Variants in DSCAML1 observed in about 807,000 individuals in gnomAD.
DSCAML1 encodes the protein DS cell adhesion molecule like 1.
DSCAML1 carries 38 observed loss-of-function variants against 200.5 expected under a neutral mutation model. The observed-to-expected ratio is 0.19, with a 90% CI of 0.15 to 0.25. The LOEUF is 0.25. Ranked by LOEUF, DSCAML1 falls within the 10% of genes least tolerant of loss-of-function variation. DSCAML1 has a pLI of 1.00. For synonymous variants in DSCAML1, 1,215 were observed against 1,165.0 expected (o/e 1.04, Z -0.87); for missense variants, 2,223 against 2,858.8 (o/e 0.78, Z 5.07).
chr11:117,811,761 T>C (rs149709318), intron 1 of DSCAML1, among the ~76,000 whole-genome samples: 2,001 of 152,036 alleles, frequency 0.013, 44 homozygotes, highest in African/African-American at 0.046. Context: ...GCTGCCTGAT[T>C]GCCTTGGAAG....
At chr11:117,781,602 C>G (rs935742905) in intron 1 of DSCAML1, among the ~76,000 whole-genome samples, 1 of 152,180 alleles carries the variant, frequency 6.6e-6, no homozygotes, top group African/African-American at 2.4e-5. Context: ...TGAGGACCAG[C>G]AGAAGAGTGG....
chr11:117,780,877 A>T lies in DSCAML1; in HGVS notation c.47-67T>A. 7.7e-7 allele frequency: 1 copy of T among 1,306,206 alleles called. No individual in the cohort carries two copies. The highest frequency in any genetic ancestry group is 9.9e-7 in the Non-Finnish European group (1 of 1,008,018). 80.9% of individuals were successfully genotyped at this position (1,306,206 alleles called of 1,614,324 possible). A position where few individuals can be genotyped will look rare whatever the true frequency, so the allele number is the denominator to read the frequency against. ...CTAACAATACCCATATAAGCCACGG[A>T]GGCTTGCGACAGGCTGCACTCATTC... is the stretch of plus-strand genomic sequence containing the variant. On this transcript the variant is annotated intron_variant, in intron 1 of 32. Coordinates refer to ENST00000651296, the MANE Select transcript of DSCAML1 (RefSeq NM_020693.4). The surrounding 1 kb of genome is among the most constrained non-coding windows in gnomAD (Gnocchi z 4.8).
intron 3 of DSCAML1, among the ~76,000 whole-genome samples, chr11:117,604,829 C>T (rs1053651225): frequency 6.6e-6 from 1 of 152,204 alleles, no homozygotes; most frequent in Non-Finnish European, 1.5e-5. Flanking sequence ...CTCTGTCTGC[C>T]CGTGGCTCCT....
chr11:117,649,985 C>G (rs1409348469), intron 3 of DSCAML1, among the ~76,000 whole-genome samples: 1 of 152,226 alleles, frequency 6.6e-6, no homozygotes, highest in East Asian at 1.9e-4. Context: ...CCTGTCCTCC[C>G]TTTGGCTGGC....
chr11:117,500,936 C>T (rs1213734684), intron 11 of DSCAML1, among the ~76,000 whole-genome samples: 1 of 152,124 alleles, frequency 6.6e-6, no homozygotes, highest in Non-Finnish European at 1.5e-5. Flanking sequence ...TGGGTCAAAA[C>T]TTTCCCGAGT....
intron 3 of DSCAML1, among the ~76,000 whole-genome samples, chr11:117,704,876 A>T (rs1193055793): frequency 1.3e-5 from 2 of 152,168 alleles, no homozygotes; most frequent in Non-Finnish European, 2.9e-5. Context: ...GGTGGTGACT[A>T]ATAGAGAACT....
intron 3 of DSCAML1, among the ~76,000 whole-genome samples, chr11:117,588,155 G>A (rs76264515): frequency 0.015 from 2,228 of 152,280 alleles, 51 homozygotes; most frequent in African/African-American, 0.05. Flanking sequence ...GGGAGGCACT[G>A]AGGTCATATA....
intron 11 of DSCAML1, among the ~76,000 whole-genome samples, chr11:117,487,586 G>A (rs1424946024): frequency 2.0e-5 from 3 of 152,164 alleles, no homozygotes; most frequent in African/African-American, 2.4e-5. Context: ...CTGGGAATGC[G>A]ATTTCTCAGC....
At chr11:117,732,423 A>G (rs916223078) in intron 3 of DSCAML1, among the ~76,000 whole-genome samples, 25 of 152,140 alleles carry the variant, frequency 1.6e-4, no homozygotes, top group African/African-American at 5.6e-4. Flanking sequence ...TTGTTCTGCT[A>G]CTAACAAGCT....
chr11:117,720,348 A>G (rs2054022184), intron 3 of DSCAML1, among the ~76,000 whole-genome samples: 1 of 152,214 alleles, frequency 6.6e-6, no homozygotes, highest in Admixed American at 6.5e-5. Context: ...TCCCAGCCTC[A>G]GAATTAGCAG....
intron 2 of DSCAML1, among the ~76,000 whole-genome samples, chr11:117,778,196 T>G (rs1213471967): frequency 6.6e-6 from 1 of 152,142 alleles, no homozygotes; most frequent in East Asian, 1.9e-4. Flanking sequence ...AAGATGTGGT[T>G]GAGGTGGAAG....
At position 117,516,695 on chromosome 11, in the gene DSCAML1, C is replaced by T; in HGVS notation, c.1555G>A (p.Gly519Arg). ...RAMRNITAVA[G>R]RDTLINCRVI... Reference sequence around the variant, plus strand: ...CTGCAGTTGATAAGGGTGTCCCGCCCGGCGACTGCTGTGATGTTCCGCATA... The same window carrying T: ...CTGCAGTTGATAAGGGTGTCCCGCCTGGCGACTGCTGTGATGTTCCGCATA... The change falls in exon 8 of 33, where the codon GGG becomes AGG. Residue 519 changes from glycine (G) to arginine (R), a missense_variant. Around this residue, in one of 7 missense-constraint regions of DSCAML1, gnomAD observed 212 missense variants for 368.0 expected, o/e 0.58. Transcript: ENST00000651296. The surrounding 1 kb of genome is among the most constrained non-coding windows in gnomAD (Gnocchi z 5.7). The T allele has an allele frequency of 6.2e-7, 1 of 1,613,966 alleles. No homozygotes were observed. Among genetic ancestry groups the T allele is most frequent in the Non-Finnish European group, 8.5e-7 (1 of 1,179,976 alleles).
chr11:117,581,526 A>G (rs1268048803), intron 3 of DSCAML1, among the ~76,000 whole-genome samples: 1 of 152,166 alleles, frequency 6.6e-6, no homozygotes, highest in African/African-American at 2.4e-5. Context: ...CTTTTCTAGA[A>G]CACTATATTT....
chr11:117,796,971 G>T, intron 1 of DSCAML1, 63 bp downstream of exon 1: 1 of 1,210,676 alleles, frequency 8.3e-7, no homozygotes, highest in Non-Finnish European at 1.1e-6. Context: ...ACCCCGCCTC[G>T]CCGCCAGCCG....
At position 117,505,730 on chromosome 11, in the gene DSCAML1, G is replaced by T; in HGVS notation, c.1786C>A (p.Pro596Thr). Residue 596 changes from proline to threonine, a missense_variant and splice_region_variant, in exon 9 of 33, where the codon CCC (proline) becomes ACC (threonine). Transcript: ENST00000651296. The surrounding 1 kb of genome is among the most constrained non-coding windows in gnomAD (Gnocchi z 6.7). ...SQSVHVAVKVPPLIQPFEFPP... is the reference protein window; with the variant it reads ...SQSVHVAVKVTPLIQPFEFPP... ...AATTCGAAGGGCTGGATCAGAGGGG[G>T]CACTGGGAAGGCAAGCGGGTGCTGC... 1 of 1,606,684 alleles carries T rather than the reference G, an allele frequency of 6.2e-7. No homozygotes were observed. The highest frequency in any genetic ancestry group is 8.5e-7 in the Non-Finnish European group (1 of 1,175,488).
intron 3 of DSCAML1, among the ~76,000 whole-genome samples, chr11:117,585,512 C>T (rs2051123876): frequency 1.3e-5 from 2 of 152,188 alleles, no homozygotes; most frequent in South Asian, 2.1e-4. Context: ...CTCCGAAGTG[C>T]TGGGATTACA....
chr11:117,442,614 C>T (rs564845385), intron 21 of DSCAML1, among the ~76,000 whole-genome samples: 1 of 152,184 alleles, frequency 6.6e-6, no homozygotes, highest in South Asian at 2.1e-4. Flanking sequence ...CTAGGAAGTC[C>T]ACAGCTCTCT....
chr11:117,466,013 G>A (rs1047343264), intron 16 of DSCAML1, among the ~76,000 whole-genome samples: 4 of 152,162 alleles, frequency 2.6e-5, no homozygotes, highest in African/African-American at 7.2e-5. Context: ...AAGAGGCACC[G>A]CTACCATGGA....
intron 3 of DSCAML1, among the ~76,000 whole-genome samples, chr11:117,695,724 C>T (rs768747808): frequency 7.2e-5 from 11 of 152,106 alleles, no homozygotes; most frequent in Non-Finnish European, 7.4e-5. Flanking sequence ...TCAGTGGGGA[C>T]GATGGAGAGA....
Sources: allele counts gnomAD v4.1 joint callset (sites outside exome capture counted in the v4.1 genomes callset), GRCh38; gene constraint gnomAD v4.1.1; regional missense constraint gnomAD v4.1.1; non-coding constraint Gnocchi (gnomAD v3.1); transcripts MANE v1.5; gene names NCBI Gene and HGNC (gene_info 2026-07-23, HGNC 2026-07-21).